Variants in ZNF479 observed in about 807,000 individuals in gnomAD.
ZNF479 encodes the protein KRAB zinc finger protein KR19.
ZNF479 carries 15 observed loss-of-function variants against 14.7 expected under a neutral mutation model. The observed-to-expected ratio is 1.02, with a 90% CI of 0.68 to 1.57. The LOEUF is 1.57. ZNF479 is among the 40% of genes most tolerant of loss of function. The probability of loss-of-function intolerance (pLI) is 0.00; values close to 1 mark genes in which losing one functional copy is unlikely to be tolerated. For synonymous variants in ZNF479, 145 were observed against 211.5 expected, an observed-to-expected ratio of 0.69 and a Z score of 2.73; for missense variants, 506 against 615.1, an observed-to-expected ratio of 0.82 and a Z score of 1.88.
At chr7:57,129,678 T>G (rs1216126436) in intron 1 of ZNF479, among the ~76,000 whole-genome samples, 4 of 152,166 alleles carry the variant, frequency 2.6e-5, no homozygotes, top group Admixed American at 2.6e-4. Flanking sequence ...GCGCTGGGAA[T>G]AACACATTTT....
intron 1 of ZNF479, among the ~76,000 whole-genome samples, chr7:57,128,578 C>A (rs187926875): frequency 3.3e-5 from 5 of 152,278 alleles, no homozygotes; most frequent in African/African-American, 7.2e-5. Context: ...ACAATGGGAA[C>A]ATTTTAAATA....
chr7:57,118,441 A>T lies in ZNF479; in HGVS notation c.*1399T>A, dbSNP rs2115845551. ...GGCTGTAGTGTAGTGGCTCTATCTC[A>T]GCTCACTGCAACCTCTGCCTCCCCG... is the stretch of plus-strand genomic sequence containing the variant. On this transcript the variant is annotated 3_prime_UTR_variant, in exon 4 of 4. Transcript: ENST00000319636. 6.6e-6 allele frequency among the ~76,000 whole-genome samples: 1 copy of T among 152,246 alleles called. No homozygotes were observed. The highest frequency in any genetic ancestry group is 2.4e-5 in the African/African-American group (1 of 41,552).
chr7:57,130,902 C>T (rs1786388885), intron 1 of ZNF479, among the ~76,000 whole-genome samples: 1 of 152,204 alleles, frequency 6.6e-6, no homozygotes, highest in South Asian at 2.1e-4. Flanking sequence ...TATGTAAACA[C>T]CACGAAATAT....
chr7:57,123,502 C>T (rs1158569438), intron 3 of ZNF479, among the ~76,000 whole-genome samples: 2 of 152,140 alleles, frequency 1.3e-5, no homozygotes, highest in Non-Finnish European at 2.9e-5. Context: ...CTTATTTGCA[C>T]CTGGTGCGTT....
intron 1 of ZNF479, among the ~76,000 whole-genome samples, chr7:57,139,171 A>T (rs1054522653): frequency 6.6e-6 from 1 of 152,338 alleles, no homozygotes; most frequent in East Asian, 1.9e-4. Context: ...TCATATGCAC[A>T]CCTGGCTAAC....
rs1301146413 is a variant in ZNF479, at chr7:57,126,843, A to G, written c.40-125T>C. 1.1e-4 allele frequency: 83 copies of G among 767,338 alleles called. 1 individual carries two copies. Among genetic ancestry groups the G allele is most frequent in the Non-Finnish European group, 1.7e-4 (78 of 467,668 alleles). The allele number at this position is 767,338 out of a possible 1,614,324, so 47.5% of individuals were successfully genotyped here. A position where few individuals can be genotyped will look rare whatever the true frequency, so the allele number is the denominator to read the frequency against. ...AAAAGAAGTGGTTCTCACTTACAAG[A>G]GTGACTAAAATTATTCAATAAGATA... On this transcript the variant is annotated intron_variant, in intron 1 of 3. Transcript: ENST00000319636.
Position 57,118,874 on chromosome 7 carries a change from G to A in ZNF479, c.*966C>T, listed in dbSNP as rs1295926829. 2.0e-5 allele frequency among the ~76,000 whole-genome samples: 3 copies of A among 152,118 alleles called. No homozygotes were observed. Among genetic ancestry groups the A allele is most frequent in the South Asian group, 2.1e-4 (1 of 4,836 alleles). On this transcript the variant is annotated 3_prime_UTR_variant, in exon 4 of 4. Coordinates refer to ENST00000319636, the MANE Select transcript of ZNF479 (RefSeq NM_001370129.2). ...TATAAACTATCTTACCTACCATAAC[G>A]TGTGACTACCATTTAAAGTCCTTGC...
chr7:57,124,165 C>A (rs1786061588), intron 3 of ZNF479, among the ~76,000 whole-genome samples: 1 of 151,874 alleles, frequency 6.6e-6, no homozygotes, highest in Non-Finnish European at 1.5e-5. Flanking sequence ...TGAACCAAAT[C>A]TAGAGAAACA....
At chr7:57,123,324 G>A (rs115423873) in intron 3 of ZNF479, among the ~76,000 whole-genome samples, 1,719 of 152,202 alleles carry the variant, frequency 0.011, 35 homozygotes, top group African/African-American at 0.04. Flanking sequence ...TCATTCATGA[G>A]GGGATTTGTC....
chr7:57,136,541 G>A (rs1420450180), upstream of ZNF479, among the ~76,000 whole-genome samples: 7 of 152,116 alleles, frequency 4.6e-5, no homozygotes, highest in Admixed American at 2.0e-4. Context: ...TCTACCATCT[G>A]GCATACATAA....
At position 57,119,742 on chromosome 7, in the gene ZNF479, C is replaced by A; in HGVS notation, c.*98G>T. 3 of 1,107,030 alleles carry A rather than the reference C, an allele frequency of 2.7e-6. No individual in the cohort carries two copies. The highest frequency in any genetic ancestry group is 2.6e-5 in the East Asian group (1 of 38,432). 68.6% of individuals were successfully genotyped at this position (1,107,030 alleles called of 1,614,324 possible). On this transcript the variant is annotated 3_prime_UTR_variant, in exon 4 of 4. Coordinates refer to ENST00000319636, the MANE Select transcript of ZNF479 (RefSeq NM_001370129.2). ...TCTTACATTCAATTAAGGTTTGGAA[C>A]TGGTTAAAGGCTTGGCCACATTCTC...
chr7:57,138,298 A>G (rs1786735996), intron 1 of ZNF479, among the ~76,000 whole-genome samples: 1 of 152,212 alleles, frequency 6.6e-6, no homozygotes, highest in African/African-American at 2.4e-5. Flanking sequence ...AGATCACACA[A>G]TATATCACAC....
At chr7:57,131,597 A>AAAAAG (rs71527705) in intron 1 of ZNF479, among the ~76,000 whole-genome samples, 1 of 118,126 alleles carries the variant, frequency 8.5e-6, no homozygotes, top group African/African-American at 2.7e-5. Context: ...CAAAAAAAAA[A>AAAAAG]CATTTCTTGT....
At chr7:57,135,522 C>G (rs1206620664), upstream of ZNF479, among the ~76,000 whole-genome samples, 1 of 152,158 alleles carries the variant, frequency 6.6e-6, no homozygotes, top group Non-Finnish European at 1.5e-5. Context: ...AACCGATTCT[C>G]CTTCCTCAGC....
chr7:57,129,960 C>A (rs1161802395), intron 1 of ZNF479, among the ~76,000 whole-genome samples: 2 of 151,986 alleles, frequency 1.3e-5, no homozygotes, highest in Non-Finnish European at 1.5e-5. Context: ...ATACAACATA[C>A]CAGAATCTCA....
At position 57,117,933 on chromosome 7, in the gene ZNF479, A is replaced by G. The variant is rs1417319155; in HGVS notation, c.*1907T>C. Among the ~76,000 whole-genome samples the G allele has an allele frequency of 1.3e-5, 2 of 152,280 alleles. No homozygotes were observed. The highest frequency in any genetic ancestry group is 2.9e-5 in the Non-Finnish European group (2 of 68,048). On this transcript the variant is annotated 3_prime_UTR_variant, in exon 4 of 4. Transcript: ENST00000319636. Reference sequence around the variant, plus strand: ...ACTTCTTTAACATGTATATGGTGTTAGCTTTGGATCTCTTTTACACTCAAC... The same window carrying G: ...ACTTCTTTAACATGTATATGGTGTTGGCTTTGGATCTCTTTTACACTCAAC...
intron 1 of ZNF479, among the ~76,000 whole-genome samples, chr7:57,128,400 G>C (rs557711074): frequency 6.6e-6 from 1 of 152,114 alleles, no homozygotes; most frequent in Non-Finnish European, 1.5e-5. Context: ...TGTAATAAAT[G>C]CCACCCTGTT....
chr7:57,132,234 C>T lies in ZNF479; in HGVS notation c.39+52G>A, dbSNP rs964537588. ...GGGACCTGCTACAGCCACTTTCTGCCGGTTCCAATCAGCCCCCACCCCTCT... is the reference window on the plus strand; with the variant it reads ...GGGACCTGCTACAGCCACTTTCTGCTGGTTCCAATCAGCCCCCACCCCTCT... On this transcript the variant is annotated intron_variant, in intron 1 of 3. Transcript: ENST00000319636. 5.0e-6 allele frequency: 8 copies of T among 1,613,710 alleles called. No individual in the cohort carries two copies. The African/African-American group carries it at 6.7e-5, about 13-fold the overall frequency.
intron 1 of ZNF479, among the ~76,000 whole-genome samples, chr7:57,129,664 C>T (rs902652604): frequency 1.4e-4 from 21 of 152,092 alleles, no homozygotes; most frequent in Non-Finnish European, 2.5e-4. Context: ...TGTCACAGAA[C>T]ACTGCGCTGG....
Sources: gnomAD v4.1 joint callset for allele counts (sites outside exome capture counted in the v4.1 genomes callset) on GRCh38, gnomAD v4.1.1 for gene constraint, MANE v1.5 for transcripts, NCBI Gene and HGNC (gene_info 2026-07-23, HGNC 2026-07-21) for gene names.